The following GALNT13 variants were observed in gnomAD, a reference collection of about 807,000 sequenced individuals.
The protein encoded by GALNT13 is polypeptide N-acetylgalactosaminyltransferase 13.
In GALNT13, 28 loss-of-function variants were observed where a neutral mutation model predicts 64.2. That is an observed-to-expected ratio of 0.44 (90% CI 0.32 to 0.60). The LOEUF (loss-of-function observed/expected upper bound fraction) is 0.60. Among genes scored for constraint, GALNT13 ranks in the 20% least tolerant of loss-of-function variants. The probability of loss-of-function intolerance (pLI) is 0.05; values close to 1 mark genes in which losing one functional copy is unlikely to be tolerated. For missense variants in GALNT13, 577 were observed against 669.8 expected, an observed-to-expected ratio of 0.86 and a Z score of 1.53; for synonymous variants, 214 against 224.6, an observed-to-expected ratio of 0.95 and a Z score of 0.42.
At chr2:153,947,530 T>TG (rs1691853931) in intron 3 of GALNT13, among the ~76,000 whole-genome samples, 2 of 98,642 alleles carry the variant, frequency 2.0e-5, no homozygotes, top group African/African-American at 1.1e-4. Context: ...TTTTTGGTGG[T>TG]TTTTTTTTCT....
the GALNT13 span, among the ~76,000 whole-genome samples, chr2:153,826,794 G>A: frequency 5.3e-4 from 80 of 152,098 alleles, no homozygotes; most frequent in Non-Finnish European, 7.1e-4. Context: ...TAGAAGCATC[G>A]GATGGGTAGT....
the GALNT13 span, among the ~76,000 whole-genome samples, chr2:153,308,805 G>T: frequency 6.6e-6 from 1 of 151,956 alleles, no homozygotes; most frequent in Non-Finnish European, 1.5e-5. Context: ...GAGGATTAAA[G>T]AATCATGAGT....
the GALNT13 span, among the ~76,000 whole-genome samples, chr2:153,375,920 T>C: frequency 1.3e-4 from 20 of 152,150 alleles, no homozygotes; most frequent in Non-Finnish European, 2.8e-4. Flanking sequence ...GGCTTCAGGT[T>C]GCTTCCACGC....
the GALNT13 span, among the ~76,000 whole-genome samples, chr2:153,539,745 G>C: frequency 3.5e-3 from 533 of 151,236 alleles, 4 homozygotes; most frequent in Middle Eastern, 0.024. Context: ...CTATTCCATT[G>C]ATCTGTATCT....
chr2:153,649,397 G>A, the GALNT13 span, among the ~76,000 whole-genome samples: 1 of 151,206 alleles, frequency 6.6e-6, no homozygotes, highest in East Asian at 1.9e-4. Flanking sequence ...CAATTTTGTT[G>A]ATCTTTTCAA....
chr2:153,113,663 C>T, the GALNT13 span, among the ~76,000 whole-genome samples: 1 of 152,016 alleles, frequency 6.6e-6, no homozygotes, highest in Non-Finnish European at 1.5e-5. Flanking sequence ...GGTAATTATT[C>T]TTCTAAAAGA....
At chr2:153,188,853 G>T in the GALNT13 span, among the ~76,000 whole-genome samples, 10 of 151,916 alleles carry the variant, frequency 6.6e-5, no homozygotes, top group African/African-American at 2.4e-4. Flanking sequence ...CATAGTATTT[G>T]CATGTATTTG....
At chr2:153,117,870 TTTTC>T in the GALNT13 span, among the ~76,000 whole-genome samples, 3 of 152,162 alleles carry the variant, frequency 2.0e-5, no homozygotes, top group Admixed American at 6.5e-5. Flanking sequence ...CTGGAAATCA[TTTTC>T]TTTCTTAAGC....
At chr2:153,345,628 C>A in the GALNT13 span, among the ~76,000 whole-genome samples, 1 of 109,040 alleles carries the variant, frequency 9.2e-6, no homozygotes, top group African/African-American at 3.0e-5. Flanking sequence ...CTTTTCTTTT[C>A]CTTTCTTTTT....
At chr2:153,821,651 A>G in the GALNT13 span, among the ~76,000 whole-genome samples, 12 of 152,162 alleles carry the variant, frequency 7.9e-5, no homozygotes, top group Non-Finnish European at 1.6e-4. Context: ...GATGTCTACA[A>G]TCTAACATTA....
chr2:153,797,120 A>G, the GALNT13 span, among the ~76,000 whole-genome samples: 1 of 152,218 alleles, frequency 6.6e-6, no homozygotes, highest in Non-Finnish European at 1.5e-5. Flanking sequence ...TCAGGCCACA[A>G]TTAATGCCTA....
At chr2:153,914,000 A>G (rs988910815) in intron 2 of GALNT13, among the ~76,000 whole-genome samples, 3 of 152,212 alleles carry the variant, frequency 2.0e-5, no homozygotes, top group African/African-American at 7.2e-5. Context: ...CCTTGCATAT[A>G]GTAGATTGTA....
At chr2:154,217,487 T>A (rs1688107946) in intron 4 of GALNT13, among the ~76,000 whole-genome samples, 1 of 152,156 alleles carries the variant, frequency 6.6e-6, no homozygotes, top group Non-Finnish European at 1.5e-5. Context: ...TATGTTCTAT[T>A]CTAATTTACA....
intron 11 of GALNT13, among the ~76,000 whole-genome samples, chr2:154,438,260 T>C (rs1277758650): frequency 1.3e-5 from 2 of 152,242 alleles, no homozygotes; most frequent in African/African-American, 2.4e-5. Flanking sequence ...CTGAGCTCCA[T>C]GCAGTTTGTA....
the GALNT13 span, among the ~76,000 whole-genome samples, chr2:153,573,653 A>T: frequency 6.6e-6 from 1 of 152,080 alleles, no homozygotes; most frequent in South Asian, 2.1e-4. Context: ...ACTATGTGAT[A>T]ACACATTATT....
At chr2:153,473,634 A>G in the GALNT13 span, among the ~76,000 whole-genome samples, 1 of 152,224 alleles carries the variant, frequency 6.6e-6, no homozygotes, top group Non-Finnish European at 1.5e-5. Flanking sequence ...ATTGCTGCAG[A>G]CTTGCTGCTT....
the GALNT13 span, among the ~76,000 whole-genome samples, chr2:153,110,924 G>A: frequency 6.6e-6 from 1 of 152,076 alleles, no homozygotes; most frequent in Non-Finnish European, 1.5e-5. Context: ...AGGAATATAA[G>A]GGAAGAAGAA....
At chr2:153,356,683 T>C in the GALNT13 span, 5 of 151,926 alleles carry the variant, frequency 3.3e-5, no homozygotes, top group East Asian at 9.7e-4. Flanking sequence ...TAGATAAAAA[T>C]AGACTTGTTG....
rs1320016512 is a variant in GALNT13, at chr2:154,301,513, C to A, written c.1080C>A (p.Val360=). The change falls in exon 9 of 13, where the codon GTC becomes GTA. Residue 360 remains valine, a synonymous_variant. Transcript: ENST00000392825. ...CTTTTCCTGGTGGCACTGGTCATGT[C>A]ATCAACAAGAACAACAGGAGACTGG... The part of the protein sequence containing the change: ...PYTFPGGTGH[V]INKNNRRLAE... 1 of 1,613,466 alleles carries A rather than the reference C, an allele frequency of 6.2e-7. No individual in the cohort carries two copies. Among genetic ancestry groups the A allele is most frequent in the Non-Finnish European group, 8.5e-7 (1 of 1,179,498 alleles).
Sources: gnomAD v4.1 joint callset for allele counts (sites outside exome capture counted in the v4.1 genomes callset) on GRCh38, gnomAD v4.1.1 for gene constraint, MANE v1.5 for transcripts, NCBI Gene and HGNC (gene_info 2026-07-23, HGNC 2026-07-21) for gene names.